WWOX: variants seen among roughly 807,000 people sequenced by gnomAD.
WWOX encodes the protein WW domain containing oxidoreductase.
WWOX carries 69 observed loss-of-function variants against 46.2 expected under a neutral mutation model. That is an observed-to-expected ratio of 1.49 (90% CI 1.23 to 1.82). WWOX has a LOEUF of 1.82. Ranked by LOEUF, WWOX falls within the 40% of genes most tolerant of loss-of-function variation. WWOX has a pLI of 0.00. For synonymous variants in WWOX, 359 were observed against 202.6 expected (o/e 1.77, Z -6.56); for missense variants, 919 against 542.6 (o/e 1.69, Z -6.89).
At chr16:78,100,915 C>G (rs2031733575) in intron 1 of WWOX, among the ~76,000 whole-genome samples, 1 of 151,992 alleles carries the variant, frequency 6.6e-6, no homozygotes, top group Non-Finnish European at 1.5e-5. Flanking sequence ...TTGGGAGTCT[C>G]TTTTTTTAAG....
In WWOX at chr16:78,671,727, C is replaced by A. The variant is rs141062121; in HGVS notation, c.1056+238975C>A. Reference sequence around the variant, plus strand: ...AGTAAGTGACCAATAAATAGCTACCCTTACTATTTAGAATGCTATTATTTA... The same window carrying A: ...AGTAAGTGACCAATAAATAGCTACCATTACTATTTAGAATGCTATTATTTA... On this transcript the variant is annotated intron_variant, in intron 8 of 8. Transcript: ENST00000566780. 3.1e-3 allele frequency among the ~76,000 whole-genome samples: 465 copies of A among 152,296 alleles called. 3 individuals carry two copies. Among genetic ancestry groups the A allele is most frequent in the African/African-American group, 0.011 (452 of 41,562 alleles).
chr16:78,501,223 G>A (rs1290655631), intron 8 of WWOX, among the ~76,000 whole-genome samples: 2 of 51,910 alleles, frequency 3.9e-5, no homozygotes, highest in Non-Finnish European at 1.1e-4. Context: ...CTTTTTTGGA[G>A]CAGCACCTGC....
chr16:78,602,148 G>T (rs201062514), intron 8 of WWOX, among the ~76,000 whole-genome samples: 1 of 152,180 alleles, frequency 6.6e-6, no homozygotes, highest in Non-Finnish European at 1.5e-5. Context: ...TCTCTCTTTA[G>T]TCAGAGCATA....
At chr16:78,841,425 A>G (rs551085324) in intron 8 of WWOX, among the ~76,000 whole-genome samples, 106 of 152,356 alleles carry the variant, frequency 7.0e-4, no homozygotes, top group African/African-American at 2.5e-3. Flanking sequence ...ATCTGGATTC[A>G]GTGACATCGT....
rs963540216 is a variant in WWOX, at chr16:78,843,444, C to G, written c.1057-368164C>G. On this transcript the variant is annotated intron_variant, in intron 8 of 8. Coordinates refer to ENST00000566780, the MANE Select transcript of WWOX (RefSeq NM_016373.4). Reference sequence around the variant, plus strand: ...GCTGCTAAGATGCGAATGCCCAGCTCAGGGGATGAGATTACTGTCAGCTTT... The same window carrying G: ...GCTGCTAAGATGCGAATGCCCAGCTGAGGGGATGAGATTACTGTCAGCTTT... Among the ~76,000 whole-genome samples the G allele has an allele frequency of 1.3e-4, 20 of 150,014 alleles. 1 individual carries two copies. The highest frequency in any genetic ancestry group is 4.8e-4 in the African/African-American group (20 of 41,252).
At chr16:78,546,166 C>G (rs1469984917) in intron 8 of WWOX, among the ~76,000 whole-genome samples, 1 of 152,124 alleles carries the variant, frequency 6.6e-6, no homozygotes, top group Admixed American at 6.5e-5. Flanking sequence ...AAAGCTAATA[C>G]TATGACAAAG....
At chr16:78,385,055 G>T (rs1167838926) in intron 5 of WWOX, among the ~76,000 whole-genome samples, 1 of 151,892 alleles carries the variant, frequency 6.6e-6, no homozygotes, top group Non-Finnish European at 1.5e-5. Flanking sequence ...AATCGCTTGA[G>T]CCCAGGAAGT....
chr16:78,105,365 G>A (rs113349210), intron 1 of WWOX, among the ~76,000 whole-genome samples: 12,464 of 151,904 alleles, frequency 0.082, 1,077 homozygotes, highest in African/African-American at 0.22. Context: ...AGGCTGAGGC[G>A]GGAGAATTGC....
intron 5 of WWOX, among the ~76,000 whole-genome samples, chr16:78,288,819 A>G (rs983790531): frequency 9.2e-5 from 14 of 152,194 alleles, no homozygotes; most frequent in African/African-American, 2.7e-4. Context: ...ACCTACAAGT[A>G]TCCATCAGTT....
intron 5 of WWOX, among the ~76,000 whole-genome samples, chr16:78,180,157 C>T (rs915723803): frequency 6.6e-6 from 1 of 152,144 alleles, no homozygotes; most frequent in Non-Finnish European, 1.5e-5. Flanking sequence ...TTATGTTAAA[C>T]GTATTTTATT....
At chr16:78,200,737 C>G (rs990095725) in intron 5 of WWOX, among the ~76,000 whole-genome samples, 10 of 151,906 alleles carry the variant, frequency 6.6e-5, no homozygotes, top group African/African-American at 1.7e-4. Flanking sequence ...GAAAGTGTCA[C>G]CAAGTTCTGT....
intron 6 of WWOX, among the ~76,000 whole-genome samples, chr16:78,409,128 A>G (rs181208015): frequency 1.3e-4 from 20 of 152,160 alleles, no homozygotes; most frequent in Non-Finnish European, 2.8e-4. Flanking sequence ...TCACAGATGT[A>G]TACACAGTGG....
intron 5 of WWOX, among the ~76,000 whole-genome samples, chr16:78,326,554 T>G: frequency 7.0e-6 from 1 of 143,698 alleles, no homozygotes. Flanking sequence ...CTCTCTGGCT[T>G]TATTTCTGCC....
intron 4 of WWOX, among the ~76,000 whole-genome samples, chr16:78,125,204 C>T (rs1052153294): frequency 1.3e-5 from 2 of 152,082 alleles, no homozygotes; most frequent in Admixed American, 1.3e-4. Flanking sequence ...TTCTCAGCAC[C>T]GTGCTTACAG....
Position 78,802,321 on chromosome 16 carries a change from A to C in WWOX, c.1056+369569A>C, listed in dbSNP as rs1567570367. Among the ~76,000 whole-genome samples, 3 of 151,220 alleles carry C rather than the reference A, an allele frequency of 2.0e-5. No homozygotes were observed. The South Asian group carries it at 6.3e-4, about 32-fold the overall frequency. Reference sequence around the variant, plus strand: ...CATTTTCCCAGCAATGCTATAGGACACAGAAAGGAACATAAATTGTTACAG... The same window carrying C: ...CATTTTCCCAGCAATGCTATAGGACCCAGAAAGGAACATAAATTGTTACAG... On this transcript the variant is annotated intron_variant, in intron 8 of 8. Coordinates refer to ENST00000566780, the MANE Select transcript of WWOX (RefSeq NM_016373.4).
At chr16:78,418,674 A>G (rs953098805) in intron 6 of WWOX, among the ~76,000 whole-genome samples, 1 of 152,206 alleles carries the variant, frequency 6.6e-6, no homozygotes, top group African/African-American at 2.4e-5. Flanking sequence ...TCAATATAAT[A>G]TAACATAATA....
Position 79,102,317 on chromosome 16 carries a change from G to C in WWOX, c.1057-109291G>C, listed in dbSNP as rs11864057. Among the ~76,000 whole-genome samples, 815 of 152,274 alleles carry C rather than the reference G, an allele frequency of 5.4e-3. 6 individuals carry two copies. Among genetic ancestry groups the C allele is most frequent in the African/African-American group, 0.019 (774 of 41,566 alleles). On this transcript the variant is annotated intron_variant, in intron 8 of 8. Transcript: ENST00000566780. ...AAGAGGTGTTTGACTCTAGGACTCA[G>C]CTACCTCATCTGTTAAATGGGCAAA...
chr16:78,610,867 C>A lies in WWOX; in HGVS notation c.1056+178115C>A, dbSNP rs573807660. On this transcript the variant is annotated intron_variant, in intron 8 of 8. Transcript: ENST00000566780. The stretch of plus-strand genomic sequence containing the variant: ...TTTACAAATGTGGCATTAAGTAGAA[C>A]AACGTATTCTTGCAATTAATGACAG... 3.3e-5 allele frequency among the ~76,000 whole-genome samples: 5 copies of A among 152,154 alleles called. No homozygotes were observed. In the South Asian group the frequency reaches 1.0e-3, roughly 32 times the overall value.
intron 8 of WWOX, among the ~76,000 whole-genome samples, chr16:78,547,154 A>AAAAC (rs2044059124): frequency 7.8e-6 from 1 of 128,978 alleles, no homozygotes; most frequent in Non-Finnish European, 1.7e-5. Flanking sequence ...AAAAAAAAAA[A>AAAAC]AAAAACAACT....
Sources: gnomAD v4.1 joint callset for allele counts (sites outside exome capture counted in the v4.1 genomes callset) on GRCh38, gnomAD v4.1.1 for gene constraint, MANE v1.5 for transcripts, NCBI Gene and HGNC (gene_info 2026-07-23, HGNC 2026-07-21) for gene names.